CSMD3: variants seen among roughly 807,000 people sequenced by gnomAD.
The protein encoded by CSMD3 is CUB and Sushi multiple domains 3, also known as CUB and sushi domain-containing protein 3.
In CSMD3, 177 loss-of-function variants were observed where a neutral mutation model predicts 435.2. That is an observed-to-expected ratio of 0.41 (90% CI 0.36 to 0.46). The LOEUF (loss-of-function observed/expected upper bound fraction) is 0.46, where lower values mean the gene tolerates loss of function less well. Among genes scored for constraint, CSMD3 ranks in the 20% least tolerant of loss-of-function variants. CSMD3 has a pLI of 0.34. For missense variants in CSMD3, 4,265 were observed against 4,504.6 expected, an observed-to-expected ratio of 0.95 and a Z score of 1.52; for synonymous variants, 1,656 against 1,520.5, an observed-to-expected ratio of 1.09 and a Z score of -2.07.
intron 13 of CSMD3, among the ~76,000 whole-genome samples, chr8:112,715,155 A>T (rs1204102854): frequency 6.6e-6 from 1 of 152,166 alleles, no homozygotes; most frequent in Non-Finnish European, 1.5e-5. Context: ...GAAAAAATTA[A>T]CAAAATAGAT....
intron 32 of CSMD3, among the ~76,000 whole-genome samples, chr8:112,459,755 G>T (rs1452721335): frequency 6.6e-6 from 1 of 152,088 alleles, no homozygotes; most frequent in Non-Finnish European, 1.5e-5. Flanking sequence ...GGCATACCAG[G>T]CACTTCATAA....
At chr8:113,280,296 AC>A (rs2093603725) in intron 2 of CSMD3, among the ~76,000 whole-genome samples, 1 of 151,598 alleles carries the variant, frequency 6.6e-6, no homozygotes, top group Admixed American at 6.6e-5. Flanking sequence ...CTGGTCTTGG[AC>A]TTTTTTTCGT....
chr8:112,652,164 A>G (rs546102081), intron 18 of CSMD3, among the ~76,000 whole-genome samples: 1 of 152,300 alleles, frequency 6.6e-6, no homozygotes, highest in South Asian at 2.1e-4. Flanking sequence ...ATTAGACTTT[A>G]CTATTCTAAA....
intron 6 of CSMD3, among the ~76,000 whole-genome samples, chr8:113,007,749 C>T (rs145947606): frequency 6.6e-6 from 1 of 151,864 alleles, no homozygotes; most frequent in East Asian, 1.9e-4. Flanking sequence ...TGTCAGTATA[C>T]CTAACTGGAA....
chr8:113,269,652 A>G (rs1310184620), intron 3 of CSMD3, among the ~76,000 whole-genome samples: 1 of 151,966 alleles, frequency 6.6e-6, no homozygotes, highest in Non-Finnish European at 1.5e-5. Context: ...CAGAAATAAT[A>G]CCACACATCT....
At chr8:113,183,112 C>T (rs1276487777) in intron 3 of CSMD3, among the ~76,000 whole-genome samples, 2 of 152,004 alleles carry the variant, frequency 1.3e-5, no homozygotes, top group Non-Finnish European at 2.9e-5. Context: ...CTAGGAGGTG[C>T]TCCTTTCTCC....
At chr8:113,211,024 A>G (rs1399787548) in intron 3 of CSMD3, among the ~76,000 whole-genome samples, 2 of 152,126 alleles carry the variant, frequency 1.3e-5, no homozygotes, top group Non-Finnish European at 2.9e-5. Context: ...TCTAGCTATC[A>G]TAATGCTCAG....
intron 16 of CSMD3, among the ~76,000 whole-genome samples, chr8:112,677,023 G>A (rs564189629): frequency 6.6e-6 from 1 of 152,136 alleles, no homozygotes; most frequent in East Asian, 1.9e-4. Context: ...ATTATAACAA[G>A]GTGAAGAATT....
intron 13 of CSMD3, among the ~76,000 whole-genome samples, chr8:112,723,898 C>T (rs755399996): frequency 9.2e-5 from 14 of 151,658 alleles, no homozygotes; most frequent in Non-Finnish European, 1.9e-4. Flanking sequence ...TATTGAGTAC[C>T]CACTCTAAGC....
Position 113,032,456 on chromosome 8 carries a change from A to T in CSMD3, c.918-13277T>A, listed in dbSNP as rs1309437643. 2.6e-5 allele frequency among the ~76,000 whole-genome samples: 4 copies of T among 151,550 alleles called. No individual in the cohort carries two copies. In the East Asian group the frequency reaches 7.7e-4, roughly 29 times the overall value. Reference sequence around the variant, plus strand: ...GTGGTATTTTGCTTCTGCTCTAGAGATTTATGGAACTTTGAGCTTGAGAGA... The same window carrying T: ...GTGGTATTTTGCTTCTGCTCTAGAGTTTTATGGAACTTTGAGCTTGAGAGA... On this transcript the variant is annotated intron_variant, in intron 5 of 70. Coordinates refer to ENST00000297405, the MANE Select transcript of CSMD3 (RefSeq NM_198123.2).
chr8:113,144,098 ATTAT>A (rs2091614733), intron 4 of CSMD3, among the ~76,000 whole-genome samples: 1 of 150,146 alleles, frequency 6.7e-6, no homozygotes, highest in Non-Finnish European at 1.5e-5. Context: ...TATTTTTATT[ATTAT>A]TTATTATATA....
intron 23 of CSMD3, among the ~76,000 whole-genome samples, chr8:112,580,818 A>G (rs1391646275): frequency 2.0e-5 from 3 of 152,086 alleles, no homozygotes; most frequent in African/African-American, 7.2e-5. Context: ...GCCCTAGGAC[A>G]AAATGCACTT....
chr8:113,201,944 ACC>A (rs931867309), intron 3 of CSMD3, among the ~76,000 whole-genome samples: 46 of 152,140 alleles, frequency 3.0e-4, no homozygotes, highest in African/African-American at 1.1e-3. Context: ...GGTATTACAC[ACC>A]CTATAGCTAT....
chr8:112,708,019 T>C (rs2076535432), intron 13 of CSMD3, among the ~76,000 whole-genome samples: 1 of 152,086 alleles, frequency 6.6e-6, no homozygotes, highest in African/African-American at 2.4e-5. Context: ...ATTAGTTACA[T>C]GATATACAAT....
intron 26 of CSMD3, 118 bp downstream of exon 26, chr8:112,552,476 C>G: frequency 2.9e-6 from 3 of 1,038,312 alleles, no homozygotes; most frequent in Middle Eastern, 2.7e-4. Flanking sequence ...CAGAGCAAGA[C>G]TCTGCCTCAA....
At chr8:113,383,488 G>T (rs2094426175) in intron 1 of CSMD3, among the ~76,000 whole-genome samples, 1 of 152,162 alleles carries the variant, frequency 6.6e-6, no homozygotes, top group African/African-American at 2.4e-5. Context: ...GCCTGGTTGA[G>T]TGGAAAGAGG....
chr8:113,065,067 T>G (rs2088794177), intron 5 of CSMD3, among the ~76,000 whole-genome samples: 1 of 152,170 alleles, frequency 6.6e-6, no homozygotes, highest in Non-Finnish European at 1.5e-5. Context: ...GCTATATAGT[T>G]GACAATATTG....
intron 10 of CSMD3, among the ~76,000 whole-genome samples, chr8:112,896,368 T>C (rs1441845668): frequency 1.3e-5 from 2 of 151,450 alleles, no homozygotes; most frequent in African/African-American, 4.8e-5. Flanking sequence ...ATGAGCAATT[T>C]CTGCCCAGCC....
intron 5 of CSMD3, among the ~76,000 whole-genome samples, chr8:113,084,785 A>G (rs62521227): frequency 0.21 from 32,404 of 151,960 alleles, 4,112 homozygotes; most frequent in East Asian, 0.49. Context: ...ATAAAACATA[A>G]TAGAGAACCT....
Sources: gnomAD v4.1 joint callset for allele counts (sites outside exome capture counted in the v4.1 genomes callset) on GRCh38, gnomAD v4.1.1 for gene constraint, MANE v1.5 for transcripts, NCBI Gene and HGNC (gene_info 2026-07-23, HGNC 2026-07-21) for gene names.